DIS3L2: variants seen among roughly 807,000 people sequenced by gnomAD.
DIS3L2 encodes DIS3 like 3'-5' exoribonuclease 2.
A neutral mutation model predicts 97.5 loss-of-function variants in DIS3L2; 34 were observed. The observed-to-expected ratio is 0.35, with a 90% CI of 0.27 to 0.46. The LOEUF (loss-of-function observed/expected upper bound fraction) is 0.46, where lower values mean the gene tolerates loss of function less well. DIS3L2 is among the 20% of genes least tolerant of loss of function. The pLI is 1.00. For synonymous variants in DIS3L2, 435 were observed against 445.2 expected (o/e 0.98, Z 0.29); for missense variants, 1,038 against 1,146.0 (o/e 0.91, Z 1.36).
intron 5 of DIS3L2, among the ~76,000 whole-genome samples, chr2:232,063,078 T>TC (rs1387990493): frequency 6.6e-6 from 1 of 152,164 alleles, no homozygotes; most frequent in African/African-American, 2.4e-5. Flanking sequence ...TATCACTAGG[T>TC]CACCTGCTTC....
intron 5 of DIS3L2, among the ~76,000 whole-genome samples, chr2:232,080,837 G>C (rs1344906326): frequency 6.6e-6 from 1 of 150,780 alleles, no homozygotes; most frequent in African/African-American, 2.5e-5. Context: ...GGAGGTGGAG[G>C]TTGCAGTGAG....
intron 4 of DIS3L2, among the ~76,000 whole-genome samples, chr2:232,027,707 G>A (rs1157825171): frequency 6.6e-6 from 1 of 152,126 alleles, no homozygotes; most frequent in Non-Finnish European, 1.5e-5. Context: ...CTTGACTTAG[G>A]TTCATTATAA....
intron 9 of DIS3L2, among the ~76,000 whole-genome samples, chr2:232,208,307 A>AC (rs1559155808): frequency 7.9e-6 from 1 of 126,940 alleles, no homozygotes. Flanking sequence ...TCCTCCCCCC[A>AC]CCCTTTTTTG....
chr2:232,298,118 A>C (rs1694765728), intron 13 of DIS3L2, among the ~76,000 whole-genome samples: 1 of 152,130 alleles, frequency 6.6e-6, no homozygotes, highest in South Asian at 2.1e-4. Flanking sequence ...GTTAGTAAAA[A>C]TTCTCCCTAA....
rs557447755 is a variant in DIS3L2, at chr2:232,041,776, T to C, written c.366+11696T>C. Among the ~76,000 whole-genome samples the C allele has an allele frequency of 1.8e-4, 27 of 152,332 alleles. No homozygotes were observed. The South Asian group carries it at 5.4e-3, about 30-fold the overall frequency. On this transcript the variant is annotated intron_variant, in intron 5 of 20. Coordinates refer to ENST00000325385, the MANE Select transcript of DIS3L2 (RefSeq NM_152383.5). ...GGATTTCAAGTGAAACTTTTACTCATTGAAACTGTTAAAAATATAGTAAGA... is the reference window on the plus strand; with the variant it reads ...GGATTTCAAGTGAAACTTTTACTCACTGAAACTGTTAAAAATATAGTAAGA...
chr2:232,015,612 G>A lies in DIS3L2; in HGVS notation c.151G>A (p.Glu51Lys). 6.2e-7 allele frequency: 1 copy of A among 1,614,058 alleles called. No individual in the cohort carries two copies. Among genetic ancestry groups the A allele is most frequent in the Non-Finnish European group, 8.5e-7 (1 of 1,179,944 alleles). ...STRGKKKSIF[E>K]TYMSKEDVSE... ...ACGAGGGAAGAAAAAGAGCATATTT[G>A]AAACTTACATGTCCAAGGAGGATGT... is the stretch of plus-strand genomic sequence containing the variant. The change falls in exon 3 of 21, where the codon GAA (glutamate) becomes AAA (lysine). Residue 51 changes from glutamate (E) to lysine (K), a missense_variant. This residue lies in a region of DIS3L2 where 813 missense variants were observed against 880.1 expected (regional missense o/e 0.92). Transcript: ENST00000325385.
At chr2:232,234,552 A>G (rs1025885215) in intron 10 of DIS3L2, among the ~76,000 whole-genome samples, 3 of 152,204 alleles carry the variant, frequency 2.0e-5, no homozygotes, top group African/African-American at 7.2e-5. Flanking sequence ...GGTTTCACCC[A>G]TGTTGGCCAG....
chr2:232,080,231 A>T (rs1030986524), intron 5 of DIS3L2, among the ~76,000 whole-genome samples: 4 of 152,122 alleles, frequency 2.6e-5, no homozygotes, highest in African/African-American at 7.2e-5. Flanking sequence ...GAGGAACTAG[A>T]TGGAAGGTGA....
Position 232,269,152 on chromosome 2 carries a change from A to G in DIS3L2, c.1659+5712A>G, listed in dbSNP as rs1392370201. Among the ~76,000 whole-genome samples the G allele has an allele frequency of 1.3e-5, 2 of 152,148 alleles. No homozygotes were observed. The highest frequency in any genetic ancestry group is 1.9e-4 in the East Asian group (1 of 5,176). On this transcript the variant is annotated intron_variant, in intron 13 of 20. Coordinates refer to ENST00000325385, the MANE Select transcript of DIS3L2 (RefSeq NM_152383.5). This position sits in a 1 kb window ranked among gnomAD's most constrained non-coding sequence, Gnocchi z 4.5. ...GGTGCGCTGAAGGTGGGGACTGCTC[A>G]TGGCAAAATGTAGCGCTAAGGAAAC... is the stretch of plus-strand genomic sequence containing the variant.
intron 10 of DIS3L2, among the ~76,000 whole-genome samples, chr2:232,235,349 A>G (rs1000657163): frequency 4.6e-5 from 7 of 152,230 alleles, no homozygotes; most frequent in Admixed American, 4.6e-4. Context: ...TTTCTCTTTC[A>G]TAGAATAAAA....
chr2:232,297,391 G>A (rs1456980895), intron 13 of DIS3L2, among the ~76,000 whole-genome samples: 1 of 152,190 alleles, frequency 6.6e-6, no homozygotes, highest in Non-Finnish European at 1.5e-5. Flanking sequence ...AAGGGAGCAA[G>A]AAGGATGCTT....
downstream of DIS3L2, among the ~76,000 whole-genome samples, chr2:232,338,598 G>A (rs1228856235): frequency 1.1e-4 from 16 of 150,136 alleles, no homozygotes; most frequent in Non-Finnish European, 1.8e-4. Context: ...GTTGTGCCCA[G>A]CCAGGACCTG....
rs1367643872 is a variant in DIS3L2 at position 232,238,656 on chromosome 2, A to G, written c.1317+11A>G. 1.2e-6 allele frequency: 2 copies of G among 1,604,774 alleles called. No homozygotes were observed. Among genetic ancestry groups the G allele is most frequent in the African/African-American group, 1.3e-5 (1 of 74,448 alleles). On this transcript the variant is annotated intron_variant, in intron 11 of 20. Coordinates refer to ENST00000325385, the MANE Select transcript of DIS3L2 (RefSeq NM_152383.5). ...TACTTGGTTCAAAAGGTAAAAATCC[A>G]TCTCTAGTTTCTTTTTTCTTGCTTT...
downstream of DIS3L2, among the ~76,000 whole-genome samples, chr2:232,339,336 C>A (rs1408323629): frequency 6.6e-6 from 1 of 152,244 alleles, no homozygotes. Flanking sequence ...CCAGAGGCCA[C>A]TGCAGCGGCT....
At chr2:232,114,139 T>C (rs565032397) in intron 6 of DIS3L2, among the ~76,000 whole-genome samples, 1 of 152,206 alleles carries the variant, frequency 6.6e-6, no homozygotes, top group South Asian at 2.1e-4. Flanking sequence ...CACCAAATTA[T>C]CCTTAAAATC....
At chr2:232,043,739 G>GT (rs1294385849) in intron 5 of DIS3L2, among the ~76,000 whole-genome samples, 1 of 152,162 alleles carries the variant, frequency 6.6e-6, no homozygotes, top group African/African-American at 2.4e-5. Flanking sequence ...TACAGTTTTT[G>GT]TAAGTGAAAG....
rs1695975997 is a variant in DIS3L2 at position 232,336,905 on chromosome 2, C to T, written c.*275C>T. 7 of 1,266,778 alleles carry T rather than the reference C, an allele frequency of 5.5e-6. No homozygotes were observed. The East Asian group carries it at 1.7e-4, about 30-fold the overall frequency. 78.5% of individuals were successfully genotyped at this position (1,266,778 alleles called of 1,614,324 possible). On this transcript the variant is annotated 3_prime_UTR_variant, in exon 21 of 21. Transcript: ENST00000325385. ...CCCCCCTTTTTTCTGGGCCCTACTG[C>T]CCTCCTCTGCCCAGGAAATGGGGGG...
At chr2:231,982,038 G>GAAA (rs34177735) in intron 1 of DIS3L2, among the ~76,000 whole-genome samples, 41 of 145,858 alleles carry the variant, frequency 2.8e-4, no homozygotes, top group Non-Finnish European at 5.1e-4. Context: ...CTCTCAAAAA[G>GAAA]AAAAAAAAAA....
intron 14 of DIS3L2, among the ~76,000 whole-genome samples, chr2:232,304,150 G>A (rs930750996): frequency 2.0e-5 from 3 of 151,722 alleles, no homozygotes; most frequent in Non-Finnish European, 4.4e-5. Context: ...GTGGGTCTAC[G>A]GGTGGTGACT....
Sources: allele counts gnomAD v4.1 joint callset (sites outside exome capture counted in the v4.1 genomes callset), GRCh38; gene constraint gnomAD v4.1.1; regional missense constraint gnomAD v4.1.1; non-coding constraint Gnocchi (gnomAD v3.1); transcripts MANE v1.5; gene names NCBI Gene and HGNC (gene_info 2026-07-23, HGNC 2026-07-21).